RNF212: variants seen among roughly 807,000 people sequenced by gnomAD.
RNF212 encodes ring finger protein 212.
Under a neutral mutation model 34.7 loss-of-function variants are expected in RNF212, and 33 were observed. The observed-to-expected ratio is 0.95, with a 90% CI of 0.72 to 1.27. The LOEUF (loss-of-function observed/expected upper bound fraction) is 1.27, where lower values mean the gene tolerates loss of function less well. Among genes scored for constraint, RNF212 ranks in the 50% most tolerant of loss-of-function variants. The pLI is 0.00. For missense variants in RNF212, 377 were observed against 362.2 expected (o/e 1.04, Z -0.33); for synonymous variants, 140 against 136.1 (o/e 1.03, Z -0.20).
At chr4:1,100,504 T>C (rs1224553411) in intron 2 of RNF212, 2 of 148,352 alleles carry the variant, frequency 1.3e-5, no homozygotes, top group East Asian at 4.0e-4. Context: ...ACTCCCCAGG[T>C]TCAAATGATT....
intron 2 of RNF212, among the ~76,000 whole-genome samples, chr4:1,104,259 C>A (rs968874033): frequency 1.3e-5 from 2 of 152,214 alleles, no homozygotes; most frequent in Non-Finnish European, 2.9e-5. Flanking sequence ...TGCGGACATG[C>A]GAAGATGAAT....
At chr4:1,110,402 G>A (rs769171997) in intron 1 of RNF212, among the ~76,000 whole-genome samples, 35 of 152,024 alleles carry the variant, frequency 2.3e-4, no homozygotes, top group African/African-American at 5.3e-4. Context: ...GCCTGTTTGG[G>A]TCGCATTTGG....
At chr4:1,068,395 A>T (rs951583949), downstream of RNF212, among the ~76,000 whole-genome samples, 3 of 152,244 alleles carry the variant, frequency 2.0e-5, no homozygotes, top group African/African-American at 7.2e-5. Context: ...GTCATGTAAA[A>T]ATCCCTCTTG....
At chr4:1,093,794 G>A (rs2153054179) in intron 3 of RNF212, 4 of 1,536,164 alleles carry the variant, frequency 2.6e-6, no homozygotes, top group East Asian at 4.9e-5. Flanking sequence ...ATGGAGCAGG[G>A]TGAGGGGGTG....
intron 1 of RNF212, among the ~76,000 whole-genome samples, chr4:1,111,938 C>T (rs1326511027): frequency 1.3e-5 from 2 of 152,216 alleles, no homozygotes; most frequent in African/African-American, 4.8e-5. Flanking sequence ...CATACAAATA[C>T]AATGATAAAC....
chr4:1,090,956 C>A, intron 3 of RNF212, 118 bp from the exon 4 acceptor site: 1 of 661,700 alleles, frequency 1.5e-6, no homozygotes, highest in Non-Finnish European at 2.7e-6. Context: ...GCTTGTCTTA[C>A]GTGTGTCCTG....
chr4:1,081,523 C>T, intron 6 of RNF212, 44 bp downstream of exon 6: 1 of 1,604,648 alleles, frequency 6.2e-7, no homozygotes, highest in Non-Finnish European at 8.5e-7. Flanking sequence ...GACTCAGCAA[C>T]ATGCATCTCT....
At chr4:1,111,776 G>A (rs985358436) in intron 1 of RNF212, among the ~76,000 whole-genome samples, 4 of 152,098 alleles carry the variant, frequency 2.6e-5, no homozygotes, top group African/African-American at 9.7e-5. Context: ...GATCACCGAA[G>A]ACAGGAGCAA....
chr4:1,075,186 G>A (rs1719084228), intron 8 of RNF212, among the ~76,000 whole-genome samples: 1 of 152,206 alleles, frequency 6.6e-6, no homozygotes, highest in Non-Finnish European at 1.5e-5. Flanking sequence ...GTACGCATCG[G>A]TGTGTTCACA....
chr4:1,063,281 C>G (rs553071585), intron 3 of RNF212, among the ~76,000 whole-genome samples: 34 of 152,298 alleles, frequency 2.2e-4, no homozygotes, highest in African/African-American at 7.5e-4. Context: ...AGTTGGAAAA[C>G]TCACACTTCA....
chr4:1,090,946 G>A, intron 3 of RNF212, 108 bp from the exon 4 acceptor site: 1 of 701,698 alleles, frequency 1.4e-6, no homozygotes, highest in Non-Finnish European at 2.5e-6. Context: ...AGCTCACAGT[G>A]CTTGTCTTAC....
intron 3 of RNF212, chr4:1,094,094 T>G (rs1722663392): frequency 6.9e-7 from 1 of 1,439,226 alleles, no homozygotes; most frequent in Admixed American, 2.4e-5. Context: ...GACCACAGCC[T>G]GAAGGCACAA....
chr4:1,072,969 A>G lies in RNF212; in HGVS notation c.799T>C (p.Phe267Leu). The G allele has an allele frequency of 1.2e-6, 2 of 1,614,220 alleles. No homozygotes were observed. The highest frequency in any genetic ancestry group is 1.7e-6 in the Non-Finnish European group (2 of 1,180,026). Reference sequence around the variant, plus strand: ...TCCAGGGTGCCCTCAGCCTGCTGGAACGGAAACAAGACGGCCCTTTGTACC... The same window carrying G: ...TCCAGGGTGCCCTCAGCCTGCTGGAGCGGAAACAAGACGGCCCTTTGTACC... ...AEVQRAVLFP[F>L]QQAEGTLDTF... The change falls in exon 10 of 10, where the codon TTC becomes CTC. Residue 267 changes from phenylalanine (F) to leucine (L), a missense_variant. By Grantham distance (22) the Phe-to-Leu change is conservative. Transcript: ENST00000433731.
chr4:1,084,520 A>C (rs1156258224), intron 5 of RNF212, among the ~76,000 whole-genome samples: 1 of 152,058 alleles, frequency 6.6e-6, no homozygotes, highest in African/African-American at 2.4e-5. Context: ...ACTTGAGCTC[A>C]GGAGTCCAAG....
intron 3 of RNF212, among the ~76,000 whole-genome samples, chr4:1,061,650 G>A (rs560656562): frequency 6.6e-6 from 1 of 152,252 alleles, no homozygotes; most frequent in Admixed American, 6.5e-5. Flanking sequence ...ACAGAGCAGC[G>A]GCCAACCGCT....
intron 9 of RNF212, 84 bp from the exon 10 acceptor site, chr4:1,073,277 T>G: frequency 2.6e-6 from 4 of 1,515,052 alleles, no homozygotes; most frequent in Non-Finnish European, 3.5e-6. Flanking sequence ...AGGGAGGGAT[T>G]CACTTTGAAA....
intron 8 of RNF212, 103 bp from the exon 9 acceptor site, chr4:1,073,765 TC>T: frequency 1.3e-6 from 1 of 766,264 alleles, no homozygotes; most frequent in Non-Finnish European, 2.3e-6. Context: ...GAACCCCATC[TC>T]CCTCATCTTT....
intron 3 of RNF212, among the ~76,000 whole-genome samples, chr4:1,092,118 T>C (rs1722277878): frequency 6.6e-6 from 1 of 152,232 alleles, no homozygotes; most frequent in Non-Finnish European, 1.5e-5. Flanking sequence ...AGCAGGAACA[T>C]TCCACCCTGC....
intron 4 of RNF212, chr4:1,058,312 G>GTTAGAACGCTGTGAAGAGGGT (rs1296586766): frequency 1.4e-6 from 1 of 718,152 alleles, no homozygotes; most frequent in African/African-American, 2.2e-5. Context: ...GCTTGCGGGG[G>GTTAGAACGCTGTGAAGAGGGT]GGCACTACCT....
Sources: gnomAD v4.1 joint callset for allele counts (sites outside exome capture counted in the v4.1 genomes callset) on GRCh38, gnomAD v4.1.1 for gene constraint, MANE v1.5 for transcripts, NCBI Gene and HGNC (gene_info 2026-07-23, HGNC 2026-07-21) for gene names.